TBX15: variants seen among roughly 807,000 people sequenced by gnomAD.
TBX15 encodes T-box transcription factor TBX15.
In TBX15, 18 loss-of-function variants were observed where a neutral mutation model predicts 53.9. The observed-to-expected ratio is 0.33, with a 90% CI of 0.23 to 0.49. The LOEUF is 0.49. Among genes scored for constraint, TBX15 ranks in the 20% least tolerant of loss-of-function variants. The probability of loss-of-function intolerance (pLI) is 0.98; values close to 1 mark genes in which losing one functional copy is unlikely to be tolerated. For missense variants in TBX15, 692 were observed against 749.5 expected (o/e 0.92, Z 0.90); for synonymous variants, 295 against 278.0 (o/e 1.06, Z -0.61).
At chr1:118,896,328 C>T (rs12074719) in intron 7 of TBX15, among the ~76,000 whole-genome samples, 19,313 of 152,102 alleles carry the variant, frequency 0.13, 3,956 homozygotes, top group African/African-American at 0.43. Context: ...AATAAAAAGA[C>T]TTAAATTTTT....
At chr1:118,983,847 C>G (rs1479265962) in intron 1 of TBX15, among the ~76,000 whole-genome samples, 1 of 152,240 alleles carries the variant, frequency 6.6e-6, no homozygotes, top group African/African-American at 2.4e-5. Context: ...CTGGCTGGCG[C>G]TTGCCCCGCG....
rs375062885 is a variant in TBX15, at chr1:118,884,748, G to T, written c.1793C>A (p.Ser598Tyr). ...GACTGGCCTTTAAACCATGTGCACG[G>T]ACATCTGGGAGGAGGAGCCTGGAAC... is the stretch of plus-strand genomic sequence containing the variant. ...GAVPGSSSQM[S>Y]VHMV Residue 598 changes from serine to tyrosine, a missense_variant, in exon 8 of 8, where the codon TCC becomes TAC. By Grantham distance (144) the Ser-to-Tyr change is moderately radical. This residue lies in a region of TBX15 where 375 missense variants were observed against 371.6 expected (regional missense o/e 1.01). Transcript: ENST00000369429. 5 of 1,613,966 alleles carry T rather than the reference G, an allele frequency of 3.1e-6. No homozygotes were observed. In the Admixed American group the frequency reaches 6.7e-5, roughly 22 times the overall value.
chr1:118,950,429 G>A (rs1322741660), intron 1 of TBX15, among the ~76,000 whole-genome samples: 3 of 152,174 alleles, frequency 2.0e-5, no homozygotes, highest in East Asian at 3.8e-4. Context: ...TGCATCCTTG[G>A]GGCAGAGGCC....
At chr1:118,980,889 G>A (rs184713113) in intron 1 of TBX15, among the ~76,000 whole-genome samples, 1 of 151,870 alleles carries the variant, frequency 6.6e-6, no homozygotes, top group East Asian at 1.9e-4. Context: ...TTGGAGTGCA[G>A]TGGCACTATC....
intron 1 of TBX15, among the ~76,000 whole-genome samples, chr1:118,962,603 G>A (rs1656915825): frequency 6.6e-6 from 1 of 152,100 alleles, no homozygotes; most frequent in African/African-American, 2.4e-5. Context: ...AAATACTAGT[G>A]TATCATATCA....
At chr1:118,924,899 G>C in intron 3 of TBX15, 82 bp from the exon 4 acceptor site, 1 of 1,467,112 alleles carries the variant, frequency 6.8e-7, no homozygotes, top group Admixed American at 1.7e-5. Flanking sequence ...TGAGACAGGG[G>C]AAAGGAGAGA....
rs906389633 is a variant in TBX15, at chr1:118,949,042, G to C, written c.206-17210C>G. On this transcript the variant is annotated intron_variant, in intron 1 of 7. Coordinates refer to ENST00000369429, the MANE Select transcript of TBX15 (RefSeq NM_001330677.2). ...CAAATGAGTTTCAACATGCATGTCAGCTCTAGCCATTTGAATGTGGCATTT... is the reference window on the plus strand; with the variant it reads ...CAAATGAGTTTCAACATGCATGTCACCTCTAGCCATTTGAATGTGGCATTT... Among the ~76,000 whole-genome samples, 5 of 152,270 alleles carry C rather than the reference G, an allele frequency of 3.3e-5. No individual in the cohort carries two copies. In the South Asian group the frequency reaches 1.0e-3, roughly 32 times the overall value.
At chr1:118,899,908 A>T (rs1463981668) in intron 6 of TBX15, among the ~76,000 whole-genome samples, 1 of 152,188 alleles carries the variant, frequency 6.6e-6, no homozygotes, top group Non-Finnish European at 1.5e-5. Context: ...TGGAAATTCC[A>T]TAAATTGGAC....
chr1:118,910,346 C>G (rs923140580), intron 6 of TBX15, among the ~76,000 whole-genome samples: 2 of 152,158 alleles, frequency 1.3e-5, no homozygotes, highest in Non-Finnish European at 2.9e-5. Flanking sequence ...AACCATGCTC[C>G]TCTGCATGAG....
chr1:118,980,205 G>A (rs1657601365), intron 1 of TBX15, among the ~76,000 whole-genome samples: 1 of 152,190 alleles, frequency 6.6e-6, no homozygotes, highest in African/African-American at 2.4e-5. Flanking sequence ...GGCAAGTAAG[G>A]GGGTTAACTG....
At chr1:118,926,730 G>A (rs1359151397) in intron 2 of TBX15, 119 bp from the exon 3 acceptor site, 7 of 870,896 alleles carry the variant, frequency 8.0e-6, no homozygotes, top group African/African-American at 6.7e-5. Flanking sequence ...TTTTGAGATG[G>A]AGTCTCGCTC....
chr1:118,936,661 A>G (rs867131375), intron 1 of TBX15, among the ~76,000 whole-genome samples: 2 of 152,196 alleles, frequency 1.3e-5, no homozygotes, highest in Non-Finnish European at 2.9e-5. Flanking sequence ...TAACACAAAG[A>G]GTTAATGGTC....
intron 1 of TBX15, among the ~76,000 whole-genome samples, chr1:118,984,849 C>A (rs1657776786): frequency 6.6e-6 from 1 of 152,168 alleles, no homozygotes; most frequent in East Asian, 1.9e-4. Context: ...CCGGACTGAT[C>A]CCCCGTTGCT....
rs532861587 is a variant in TBX15 at position 118,945,485 on chromosome 1, G to A, written c.206-13653C>T. Among the ~76,000 whole-genome samples, 44 of 152,176 alleles carry A rather than the reference G, an allele frequency of 2.9e-4. 3 individuals carry two copies. In the South Asian group the frequency reaches 7.1e-3, roughly 24 times the overall value. On this transcript the variant is annotated intron_variant, in intron 1 of 7. Transcript: ENST00000369429. ...GCAGGTCTAGGTCCTCAATCTGATA[G>A]GTCACAGGAGAAAGAAAGGCTTTTT...
intron 1 of TBX15, among the ~76,000 whole-genome samples, chr1:118,951,353 G>C (rs1189649607): frequency 1.3e-5 from 2 of 152,182 alleles, no homozygotes; most frequent in Admixed American, 6.5e-5. Flanking sequence ...GCAATTCCCA[G>C]AATAAGAAGC....
At position 118,956,081 on chromosome 1, in the gene TBX15, C is replaced by T. The variant is rs145774077; in HGVS notation, c.206-24249G>A. On this transcript the variant is annotated intron_variant, in intron 1 of 7. Transcript: ENST00000369429. ...CACATGGGGACACAGCTAGAAGGTG[C>T]TATCTATGAATCAGGAAGCAGGCCC... Among the ~76,000 whole-genome samples the T allele has an allele frequency of 2.3e-4, 35 of 152,282 alleles. No homozygotes were observed. In the East Asian group the frequency reaches 5.4e-3, roughly 24 times the overall value.
At chr1:118,934,076 T>C (rs2101619524) in intron 1 of TBX15, among the ~76,000 whole-genome samples, 1 of 152,306 alleles carries the variant, frequency 6.6e-6, no homozygotes, top group East Asian at 1.9e-4. Context: ...AATAAGAGAC[T>C]CTACCCTTAA....
At chr1:118,925,148 A>C (rs1655552834) in intron 3 of TBX15, among the ~76,000 whole-genome samples, 2 of 152,234 alleles carry the variant, frequency 1.3e-5, no homozygotes. Context: ...CCCTGTGTGC[A>C]CACATGCATC....
intron 6 of TBX15, among the ~76,000 whole-genome samples, chr1:118,911,358 G>GAAT (rs988636635): frequency 6.6e-6 from 1 of 152,132 alleles, no homozygotes; most frequent in African/African-American, 2.4e-5. Context: ...TATCAGAAAA[G>GAAT]AATAAATAAA....
Sources: allele counts gnomAD v4.1 joint callset (sites outside exome capture counted in the v4.1 genomes callset), GRCh38; gene constraint gnomAD v4.1.1; regional missense constraint gnomAD v4.1.1; transcripts MANE v1.5; gene names NCBI Gene and HGNC (gene_info 2026-07-23, HGNC 2026-07-21).